Variants in CD4 observed in about 807,000 individuals in gnomAD.
CD4 encodes T-cell surface glycoprotein CD4.
CD4 carries 25 observed loss-of-function variants against 50.5 expected under a neutral mutation model. That is an observed-to-expected ratio of 0.49 (90% CI 0.36 to 0.69). The LOEUF (loss-of-function observed/expected upper bound fraction) is 0.69. CD4 is among the 30% of genes least tolerant of loss of function. CD4 has a pLI of 0.00. For synonymous variants in CD4, 207 were observed against 221.9 expected (o/e 0.93, Z 0.60); for missense variants, 456 against 548.5 (o/e 0.83, Z 1.68).
At chr12:6,813,061 C>T (rs1942985011) in intron 3 of CD4, among the ~76,000 whole-genome samples, 1 of 151,738 alleles carries the variant, frequency 6.6e-6, no homozygotes, top group African/African-American at 2.4e-5. Flanking sequence ...CATGCACCAC[C>T]ACACTCAGTT....
chr12:6,804,347 A>T (rs199690502), intron 3 of CD4, among the ~76,000 whole-genome samples: 1 of 6 alleles, frequency 0.17, no homozygotes, highest in African/African-American at 0.5. Context: ...ATAAGGCAAG[A>T]AAAATGAAAT....
At position 6,818,017 on chromosome 12, in the gene CD4, C is replaced by T. The variant is rs1212330576; in HGVS notation, c.1157-404C>T. Among the ~76,000 whole-genome samples the T allele has an allele frequency of 1.3e-5, 2 of 151,610 alleles. No homozygotes were observed. Among genetic ancestry groups the T allele is most frequent in the African/African-American group, 4.8e-5 (2 of 41,250 alleles). On this transcript the variant is annotated intron_variant, in intron 7 of 9. Coordinates refer to ENST00000011653, the MANE Select transcript of CD4 (RefSeq NM_000616.5). The surrounding 1 kb of genome is among the most constrained non-coding windows in gnomAD (Gnocchi z 5.0). The stretch of plus-strand genomic sequence containing the variant: ...GCACATGCATGCAGTCACGCACACA[C>T]ATTCATACACGCACACAGGCACACA...
intron 4 of CD4, 63 bp from the exon 5 acceptor site, chr12:6,814,696 T>C: frequency 8.3e-7 from 1 of 1,208,876 alleles, no homozygotes; most frequent in Non-Finnish European, 1.2e-6. Flanking sequence ...GTTGGTTTCC[T>C]GTTGTCTGCC....
At position 6,798,209 on chromosome 12, in the gene CD4, G is replaced by A. The variant is rs1381147559; in HGVS notation, c.-67-1863G>A. Among the ~76,000 whole-genome samples the A allele has an allele frequency of 8.4e-5, 11 of 131,714 alleles. 1 individual carries two copies. Among genetic ancestry groups the A allele is most frequent in the South Asian group, 4.5e-4 (2 of 4,472 alleles). 86.4% of individuals were successfully genotyped at this position (131,714 alleles called of 152,430 possible). A position where few individuals can be genotyped will look rare whatever the true frequency, so the allele number is the denominator to read the frequency against. Reference sequence around the variant, plus strand: ...TTTTGAGACAGAGTCTTGCTCTGTCGCCCAGGCTGGAGTGCAGTGGCGCGA... The same window carrying A: ...TTTTGAGACAGAGTCTTGCTCTGTCACCCAGGCTGGAGTGCAGTGGCGCGA... On this transcript the variant is annotated intron_variant, in intron 1 of 9. Coordinates refer to ENST00000011653, the MANE Select transcript of CD4 (RefSeq NM_000616.5).
intron 4 of CD4, 82 bp from the exon 5 acceptor site, chr12:6,814,677 A>C (rs782363428): frequency 1.6e-4 from 156 of 1,005,474 alleles, no homozygotes; most frequent in Non-Finnish European, 2.2e-4. Flanking sequence ...GCGATAATGG[A>C]GAGATGTTGT....
At chr12:6,808,450 CAA>C (rs3032789) in intron 3 of CD4, among the ~76,000 whole-genome samples, 24 of 37,784 alleles carry the variant, frequency 6.4e-4, no homozygotes, top group East Asian at 1.9e-3. Context: ...GATTCTGTCT[CAA>C]AAAAAAAAAA....
At position 6,811,474 on chromosome 12, in the gene CD4, TTTTTTC is replaced by T. The variant is rs201928069; in HGVS notation, c.215-2663_215-2658del. On this transcript the variant is annotated intron_variant, in intron 3 of 9. Coordinates refer to ENST00000011653, the MANE Select transcript of CD4 (RefSeq NM_000616.5). Reference sequence around the variant, plus strand: ...ATTTTTTAAAACATTTTTTCTTTTCTTTTTTCTTTTCTTTTTCTTTTTTTTTTTTTT... The same window carrying T: ...ATTTTTTAAAACATTTTTTCTTTTCTTTTTCTTTTTCTTTTTTTTTTTTTT... Among the ~76,000 whole-genome samples, 774 of 145,022 alleles carry T rather than the reference TTTTTTC, an allele frequency of 5.3e-3. 7 individuals are homozygous for T. Among genetic ancestry groups the T allele is most frequent in the Middle Eastern group, 0.028 (8 of 290 alleles).
At chr12:6,819,245 G>A (rs868951676) in intron 9 of CD4, 54 bp from the exon 10 acceptor site, 43 of 1,593,568 alleles carry the variant, frequency 2.7e-5, no homozygotes, top group Middle Eastern at 1.7e-4. Context: ...GTGCTAGAAC[G>A]CAAAGGGGTT....
At chr12:6,806,032 C>T (rs1048957577) in intron 3 of CD4, among the ~76,000 whole-genome samples, 2 of 151,742 alleles carry the variant, frequency 1.3e-5, no homozygotes, top group African/African-American at 2.4e-5. Context: ...GGCACAGTGG[C>T]TCACCGCTGT....
At position 6,817,132 on chromosome 12, in the gene CD4, A is replaced by T; in HGVS notation, c.958A>T (p.Thr320Ser). The T allele has an allele frequency of 6.2e-7, 1 of 1,613,016 alleles. No homozygotes were observed. The highest frequency in any genetic ancestry group is 1.1e-5 in the South Asian group (1 of 91,070). Residue 320 changes from threonine to serine, a missense_variant and splice_region_variant, in exon 7 of 10, where the codon ACT becomes TCT. Transcript: ENST00000011653. Reference protein sequence around the residue: ...QEVNLVVMRATQLQKNLTCEV... With the variant: ...QEVNLVVMRASQLQKNLTCEV... The stretch of plus-strand genomic sequence containing the variant: ...CTCAGCCTCTCGTTCCTCTGCAGCC[A>T]CTCAGCTCCAGAAAAATTTGACCTG...
intron 3 of CD4, among the ~76,000 whole-genome samples, chr12:6,807,258 C>A (rs1942793353): frequency 6.6e-6 from 1 of 152,116 alleles, no homozygotes; most frequent in Non-Finnish European, 1.5e-5. Context: ...AGACTTATGC[C>A]CACACAAAAA....
At chr12:6,806,696 G>T (rs372206841) in intron 3 of CD4, among the ~76,000 whole-genome samples, 1 of 152,102 alleles carries the variant, frequency 6.6e-6, no homozygotes, top group Non-Finnish European at 1.5e-5. Context: ...AATCATTAGG[G>T]ATATGTACAT....
intron 3 of CD4, among the ~76,000 whole-genome samples, chr12:6,811,991 AT>A (rs1257706625): frequency 6.6e-6 from 1 of 151,932 alleles, no homozygotes; most frequent in Non-Finnish European, 1.5e-5. Context: ...TTTTAAAATA[AT>A]TTTTTTTAGA....
rs181000160 is a variant in CD4 at position 6,804,948 on chromosome 12, G to A, written c.214+4477G>A. Among the ~76,000 whole-genome samples, 847 of 150,842 alleles carry A rather than the reference G, an allele frequency of 5.6e-3. 10 individuals carry two copies. The highest frequency in any genetic ancestry group is 0.024 in the Middle Eastern group (7 of 294). ...GGAGAATGGCGTGAACCTGGGAGGC[G>A]GAGCTTGCAGTGAGCTGAGATTGTG... On this transcript the variant is annotated intron_variant, in intron 3 of 9. Coordinates refer to ENST00000011653, the MANE Select transcript of CD4 (RefSeq NM_000616.5).
At chr12:6,814,088 G>A in intron 3 of CD4, 54 bp from the exon 4 acceptor site, 1 of 1,510,594 alleles carries the variant, frequency 6.6e-7, no homozygotes, top group Non-Finnish European at 9.1e-7. Flanking sequence ...TCTTGCCAGA[G>A]GTGCCCTGTC....
Position 6,799,974 on chromosome 12 carries a change from G to A in CD4, c.-67-98G>A, listed in dbSNP as rs140654762. 8.2e-5 allele frequency: 52 copies of A among 634,158 alleles called. No homozygotes were observed. In the African/African-American group the frequency reaches 8.7e-4, roughly 11 times the overall value. The allele number at this position is 634,158 out of a possible 1,614,324, so 39.3% of individuals were successfully genotyped here. On this transcript the variant is annotated intron_variant, in intron 1 of 9. Transcript: ENST00000011653. ...CTATTCTCCTGCCTCAAGTTCACTA[G>A]GCTGGCTGCAAGGGTCCTGAGGGAG...
At chr12:6,791,292 G>C (rs1201238794) in intron 1 of CD4, among the ~76,000 whole-genome samples, 1 of 152,098 alleles carries the variant, frequency 6.6e-6, no homozygotes, top group Non-Finnish European at 1.5e-5. Context: ...GCCCAGGCTG[G>C]AGTGCAATGA....
At chr12:6,798,472 A>G (rs879948230) in intron 1 of CD4, among the ~76,000 whole-genome samples, 11,745 of 105,150 alleles carry the variant, frequency 0.11, 1,210 homozygotes, top group Middle Eastern at 0.18. Flanking sequence ...AACTTTTTAA[A>G]AGTGCATCTT....
intron 3 of CD4, among the ~76,000 whole-genome samples, chr12:6,804,794 A>G (rs1191299268): frequency 6.6e-6 from 1 of 152,008 alleles, no homozygotes; most frequent in Non-Finnish European, 1.5e-5. Flanking sequence ...AGGCGGGCGG[A>G]TCATGAGGTC....
Sources: allele counts gnomAD v4.1 joint callset (sites outside exome capture counted in the v4.1 genomes callset), GRCh38; gene constraint gnomAD v4.1.1; non-coding constraint Gnocchi (gnomAD v3.1); transcripts MANE v1.5; gene names NCBI Gene and HGNC (gene_info 2026-07-23, HGNC 2026-07-21).